The following RASSF3 variants were observed in gnomAD, a reference collection of about 807,000 sequenced individuals.
RASSF3 encodes the protein ras association domain-containing protein 3.
Under a neutral mutation model 19.9 loss-of-function variants are expected in RASSF3, and 19 were observed. The observed-to-expected ratio is 0.96, with a 90% confidence interval of 0.67 to 1.40. RASSF3 has a LOEUF of 1.40. Ranked by LOEUF, RASSF3 falls within the 40% of genes most tolerant of loss-of-function variation. The pLI is 0.00. For missense variants in RASSF3, 306 were observed against 289.8 expected, an observed-to-expected ratio of 1.06 and a Z score of -0.41; for synonymous variants, 110 against 104.2, an observed-to-expected ratio of 1.06 and a Z score of -0.34.
chr12:64,631,568 TA>T lies in RASSF3; in HGVS notation c.111+20826del, dbSNP rs1285747389. On this transcript the variant is annotated intron_variant, in intron 1 of 4. Transcript: ENST00000542104. ...GTATGTATGTATGTATGTATGTATG[TA>T]TGTATGTATGTATGTATGTTGAGAC... 2.6e-5 allele frequency among the ~76,000 whole-genome samples: 4 copies of T among 151,846 alleles called. 1 individual carries two copies. Among genetic ancestry groups the T allele is most frequent in the African/African-American group, 9.7e-5 (4 of 41,328 alleles).
chr12:64,571,342 G>T (rs1395699623), intron 2 of RASSF3, among the ~76,000 whole-genome samples: 1 of 152,172 alleles, frequency 6.6e-6, no homozygotes, highest in East Asian at 1.9e-4. Context: ...AAGAAGAGGG[G>T]CTGTCGCTTT....
At chr12:64,555,554 C>T (rs2136123086) in intron 2 of RASSF3, among the ~76,000 whole-genome samples, 1 of 152,036 alleles carries the variant, frequency 6.6e-6, no homozygotes, top group Middle Eastern at 3.4e-3. Context: ...TTGAGACCAT[C>T]CTGGCTAACA....
intron 2 of RASSF3, among the ~76,000 whole-genome samples, chr12:64,601,159 C>T (rs1163760695): frequency 6.6e-6 from 1 of 151,932 alleles, no homozygotes; most frequent in Admixed American, 6.6e-5. Context: ...CATGGTGACA[C>T]ACGCCTGTAG....
intron 1 of RASSF3, among the ~76,000 whole-genome samples, chr12:64,620,014 C>CTGTGTGTGTG (rs68044550): frequency 0.017 from 2,272 of 134,190 alleles, 49 homozygotes; most frequent in African/African-American, 0.045. Flanking sequence ...TGCAGGTTGA[C>CTGTGTGTGTG]TGTGTGTGTG....
chr12:64,622,693 CTT>C lies in RASSF3; in HGVS notation c.111+11954_111+11955del, dbSNP rs531509073. On this transcript the variant is annotated intron_variant, in intron 1 of 4. Coordinates refer to ENST00000542104, the MANE Select transcript of RASSF3 (RefSeq NM_178169.4). ...TACTTTAAATTTTTTCTTTCAGAAT[CTT>C]TTTATCAAGTGAATCTTTTAAAAAG... 93 of 253,254 alleles carry C rather than the reference CTT, an allele frequency of 3.7e-4. 1 individual carries two copies. The highest frequency in any genetic ancestry group is 1.9e-3 in the African/African-American group (82 of 42,586). 15.7% of individuals were successfully genotyped at this position (253,254 alleles called of 1,614,324 possible).
intron 2 of RASSF3, among the ~76,000 whole-genome samples, chr12:64,585,640 T>C (rs998005077): frequency 6.7e-6 from 1 of 148,364 alleles, no homozygotes; most frequent in East Asian, 2.0e-4. Flanking sequence ...GGTCTTGTTC[T>C]GTCACCCAGG....
At chr12:64,619,698 G>T (rs1420193537) in intron 1 of RASSF3, among the ~76,000 whole-genome samples, 3 of 151,898 alleles carry the variant, frequency 2.0e-5, no homozygotes, top group Non-Finnish European at 4.4e-5. Context: ...ATTAGTGCAG[G>T]TTGCCAGGCG....
At chr12:64,691,614 A>G (rs1201409778) in intron 4 of RASSF3, 35 bp downstream of exon 4, 2 of 1,345,930 alleles carry the variant, frequency 1.5e-6, no homozygotes, top group South Asian at 1.2e-5. Context: ...TAAACTATAC[A>G]GAACAGCTGG....
intron 2 of RASSF3, among the ~76,000 whole-genome samples, chr12:64,552,164 CT>C (rs1869174918): frequency 6.6e-6 from 1 of 151,904 alleles, no homozygotes; most frequent in African/African-American, 2.4e-5. Context: ...GGAAAATTTA[CT>C]TTGGGGAGCC....
intron 2 of RASSF3, among the ~76,000 whole-genome samples, chr12:64,579,346 CTTTTTTT>C (rs1265939630): frequency 8.5e-6 from 1 of 117,056 alleles, no homozygotes; most frequent in Non-Finnish European, 1.7e-5. Flanking sequence ...TAGCCAAGTT[CTTTTTTT>C]TTTTTTTTTT....
downstream of RASSF3, among the ~76,000 whole-genome samples, chr12:64,544,313 G>A (rs556759313): frequency 9.9e-5 from 15 of 152,190 alleles, no homozygotes; most frequent in East Asian, 2.9e-3. Flanking sequence ...TGCAGCTTCA[G>A]TACTGTGCTA....
chr12:64,538,869 T>C (rs1013359586), intron 1 of RASSF3, among the ~76,000 whole-genome samples: 2 of 151,738 alleles, frequency 1.3e-5, no homozygotes, highest in Non-Finnish European at 2.9e-5. Flanking sequence ...ACGGTGAAAC[T>C]CCATCTCTAC....
chr12:64,654,893 G>T (rs548956736), intron 1 of RASSF3: 4 of 152,024 alleles, frequency 2.6e-5, no homozygotes, highest in Non-Finnish European at 5.9e-5. Flanking sequence ...AAAATACAAT[G>T]TAAAATAAAA....
At chr12:64,569,354 T>G (rs1869481015) in intron 2 of RASSF3, among the ~76,000 whole-genome samples, 1 of 152,254 alleles carries the variant, frequency 6.6e-6, no homozygotes, top group South Asian at 2.1e-4. Flanking sequence ...CAGCCTCAGC[T>G]TGGCTGGTAG....
At chr12:64,581,546 A>G (rs1227046243) in intron 2 of RASSF3, among the ~76,000 whole-genome samples, 3 of 152,154 alleles carry the variant, frequency 2.0e-5, no homozygotes, top group Admixed American at 1.3e-4. Context: ...CCGTCTCTAC[A>G]GAAAAAATAA....
At chr12:64,688,195 G>A (rs1353321243) in intron 2 of RASSF3, 21 bp from the exon 3 acceptor site, 2 of 1,570,452 alleles carry the variant, frequency 1.3e-6, no homozygotes, top group East Asian at 2.2e-5. Context: ...AGCTAAGTGT[G>A]TGCTTCTCTC....
chr12:64,545,969 G>A (rs1038466194), downstream of RASSF3, among the ~76,000 whole-genome samples: 6 of 151,798 alleles, frequency 4.0e-5, no homozygotes, highest in East Asian at 2.0e-4. Context: ...GGCAGCAGGC[G>A]CTTGTAGTCC....
At chr12:64,552,003 C>T (rs1031012965) in intron 2 of RASSF3, among the ~76,000 whole-genome samples, 1 of 152,210 alleles carries the variant, frequency 6.6e-6, no homozygotes, top group Admixed American at 6.5e-5. Flanking sequence ...CATCAGAAAA[C>T]CCCTGGGGTT....
At chr12:64,675,113 A>C (rs73321794) in intron 1 of RASSF3, among the ~76,000 whole-genome samples, 7,634 of 143,922 alleles carry the variant, frequency 0.053, 665 homozygotes, top group African/African-American at 0.18. Flanking sequence ...AAAGAGGTTA[A>C]AGTTTCAAGT....
Sources: allele counts gnomAD v4.1 joint callset (sites outside exome capture counted in the v4.1 genomes callset), GRCh38; gene constraint gnomAD v4.1.1; transcripts MANE v1.5; gene names NCBI Gene and HGNC (gene_info 2026-07-23, HGNC 2026-07-21).